The following SCN4A variants were observed in gnomAD, a reference collection of about 807,000 sequenced individuals.
SCN4A encodes sodium voltage-gated channel alpha subunit 4.
Under a neutral mutation model 162.0 loss-of-function variants are expected in SCN4A, and 83 were observed. The ratio of observed to expected loss-of-function variants is 0.51; its 90% CI spans 0.43 to 0.61. SCN4A has a LOEUF of 0.61. Ranked by LOEUF, SCN4A falls within the 20% of genes least tolerant of loss-of-function variation. The probability of loss-of-function intolerance (pLI) is 0.00; values close to 1 mark genes in which losing one functional copy is unlikely to be tolerated. For synonymous variants in SCN4A, 944 were observed against 985.1 expected (o/e 0.96, Z 0.78); for missense variants, 2,196 against 2,462.5 (o/e 0.89, Z 2.29).
At chr17:63,946,462 G>C (rs1597969966) in intron 18 of SCN4A, among the ~76,000 whole-genome samples, 15 of 106,640 alleles carry the variant, frequency 1.4e-4, no homozygotes, top group Admixed American at 1.9e-4. Context: ...CATTTTTCTT[G>C]CCCCCCCCCC....
chr17:63,951,398 C>T lies in SCN4A; in HGVS notation c.2853+26G>A, dbSNP rs1908900779. 2 of 1,489,238 alleles carry T rather than the reference C, an allele frequency of 1.3e-6. No individual in the cohort carries two copies. The highest frequency in any genetic ancestry group is 2.6e-5 in the South Asian group (2 of 77,332). The allele number at this position is 1,489,238 out of a possible 1,614,324, so 92.3% of individuals were successfully genotyped here. A position where few individuals can be genotyped will look rare whatever the true frequency, so the allele number is the denominator to read the frequency against. On this transcript the variant is annotated intron_variant, in intron 14 of 23. Transcript: ENST00000435607. The surrounding 1 kb of genome is among the most constrained non-coding windows in gnomAD (Gnocchi z 4.5). The stretch of plus-strand genomic sequence containing the variant: ...GTCACAGGAGAATTTGAAGCCGGGT[C>T]TGTCTGAGCCCCAGCCCCGGCTCAC...
Position 63,941,913 on chromosome 17 carries a change from G to A in SCN4A, c.4369C>T (p.Arg1457Cys), listed in dbSNP as rs1473372899. The change falls in exon 24 of 24, where the codon CGT (arginine) becomes TGT (cysteine). Residue 1457 changes from arginine to cysteine, a missense_variant. By Grantham distance (180) the Arg-to-Cys change is radical. Transcript: ENST00000435607. This position sits in a 1 kb window ranked among gnomAD's most constrained non-coding sequence, Gnocchi z 6.2. ...FRVIRLARIG[R>C]VLRLIRGAKG... The stretch of plus-strand genomic sequence containing the variant: ...GCCCCGCGGATCAGCCGCAGGACAC[G>A]CCCAATCCGCGCCAGGCGGATCACA... 2 of 1,611,882 alleles carry A rather than the reference G, an allele frequency of 1.2e-6. No homozygotes were observed. The highest frequency in any genetic ancestry group is 1.7e-6 in the Non-Finnish European group (2 of 1,178,150).
rs1369287626 is a variant in SCN4A at position 63,941,011 on chromosome 17, G to A, written c.5271C>T (p.Ser1757=). The A allele has an allele frequency of 1.2e-6, 2 of 1,613,680 alleles. No individual in the cohort carries two copies. Among genetic ancestry groups the A allele is most frequent in the Non-Finnish European group, 1.7e-6 (2 of 1,179,728 alleles). ...GGGCGTCATCCCCGCTGCCGTCGTG[G>A]CTGTGGCGGTACATGTAGGATGCCT... ...MKQASYMYRH[S]HDGSGDDAPE... is the part of the protein sequence containing the mutation. The change falls in exon 24 of 24, where the codon AGC becomes AGT. Residue 1757 remains serine, a synonymous_variant. Transcript: ENST00000435607. The surrounding 1 kb of genome is among the most constrained non-coding windows in gnomAD (Gnocchi z 6.2).
intron 15 of SCN4A, 111 bp from the exon 16 acceptor site, chr17:63,948,876 C>A: frequency 1.0e-6 from 1 of 997,386 alleles, no homozygotes; most frequent in East Asian, 2.7e-5. Context: ...CTCTCCAGCT[C>A]CCAGACCCAG....
At position 63,948,652 on chromosome 17, in the gene SCN4A, T is replaced by A; in HGVS notation, c.3103A>T (p.Thr1035Ser). Residue 1035 changes from threonine to serine, a missense_variant, in exon 16 of 24, where the codon ACC becomes TCC. Thr to Ser is a moderately conservative substitution (Grantham distance 58). Coordinates refer to ENST00000435607, the MANE Select transcript of SCN4A (RefSeq NM_000334.4). ...FKIVEHNWFE[T>S]FIVFMILLSS... is the part of the protein sequence containing the mutation. ...AGCAGGATCATGAAGACAATGAAGGTCTCGAACCAGTTGTGCTCGACAATC... is the reference window on the plus strand; with the variant it reads ...AGCAGGATCATGAAGACAATGAAGGACTCGAACCAGTTGTGCTCGACAATC... 6.2e-7 allele frequency: 1 copy of A among 1,613,764 alleles called. No homozygotes were observed. Among genetic ancestry groups the A allele is most frequent in the East Asian group, 2.2e-5 (1 of 44,856 alleles).
At chr17:63,961,845 CCCTCAAAGCCCCACCT>C (rs902128441) in intron 10 of SCN4A, among the ~76,000 whole-genome samples, 5 of 147,118 alleles carry the variant, frequency 3.4e-5, no homozygotes, top group Middle Eastern at 3.5e-3. Context: ...ACAACCCCGC[CCCTCAAAGCCCCACCT>C]CCTCAAAGCC....
Position 63,942,969 on chromosome 17 carries a change from A to G in SCN4A, c.4145T>C (p.Val1382Ala). Residue 1382 changes from valine (V) to alanine (A), a missense_variant, in exon 23 of 24, where the codon GTG (valine) becomes GCG (alanine). Physicochemically the swap from Val to Ala is moderately conservative, Grantham distance 64. Coordinates refer to ENST00000435607, the MANE Select transcript of SCN4A (RefSeq NM_000334.4). ...VETDNQSQLK[V>A]DILYNINMIF... ...CATGTTGATGTTGTACAGGATGTCC[A>G]CCTTGAGCTGGCTCTGGTTGTCTGT... 6.2e-7 allele frequency: 1 copy of G among 1,613,994 alleles called. No homozygotes were observed. Among genetic ancestry groups the G allele is most frequent in the South Asian group, 1.1e-5 (1 of 91,086 alleles).
Position 63,971,853 on chromosome 17 carries a change from G to T in SCN4A, c.483-3C>A, listed in dbSNP as rs759754258. 3.8e-5 allele frequency: 57 copies of T among 1,516,092 alleles called. No homozygotes were observed. Among genetic ancestry groups the T allele is most frequent in the Middle Eastern group, 1.7e-4 (1 of 5,758 alleles). 93.9% of individuals were successfully genotyped at this position (1,516,092 alleles called of 1,614,324 possible). On this transcript the variant is annotated splice_polypyrimidine_tract_variant and splice_region_variant and intron_variant, in intron 3 of 23. Coordinates refer to ENST00000435607, the MANE Select transcript of SCN4A (RefSeq NM_000334.4). ...TGTAGATCCCTGTGAAGGTGTACCT[G>T]GGGGGGAGAGGGCCGGCCGGGACAG...
At position 63,971,755 on chromosome 17, in the gene SCN4A, C is replaced by T. The variant is rs766657296; in HGVS notation, c.578G>A (p.Trp193Ter). ...VDDFTFLRDP[W>*]NWLDFSVIMM... ...GATGACACTGAAGTCCAGCCAGTTCCAGGGGTCCCGGAGGAATGTGAAGTC... is the reference window on the plus strand; with the variant it reads ...GATGACACTGAAGTCCAGCCAGTTCTAGGGGTCCCGGAGGAATGTGAAGTC... Residue 193 changes from tryptophan to a stop codon, truncating the protein, a stop_gained, in exon 4 of 24, where the codon TGG (tryptophan) becomes TAG (stop). Coordinates refer to ENST00000435607, the MANE Select transcript of SCN4A (RefSeq NM_000334.4). LOFTEE classifies it high-confidence loss of function. 4 of 1,609,558 alleles carry T rather than the reference C, an allele frequency of 2.5e-6. No individual in the cohort carries two copies. Among genetic ancestry groups the T allele is most frequent in the Non-Finnish European group, 8.5e-7 (1 of 1,178,020 alleles).
At chr17:63,971,963 G>T in intron 3 of SCN4A, 113 bp from the exon 4 acceptor site, 1 of 1,272,532 alleles carries the variant, frequency 7.9e-7, no homozygotes, top group Non-Finnish European at 1.1e-6. Flanking sequence ...CACTCAGGTG[G>T]CTAAGGACAC....
rs1465568408 is a variant in SCN4A at position 63,946,475 on chromosome 17, C to CG, written c.3441+569_3441+570insC. Among the ~76,000 whole-genome samples the CG allele has an allele frequency of 1.7e-4, 20 of 116,286 alleles. 1 individual carries two copies. The highest frequency in any genetic ancestry group is 1.0e-3 in the African/African-American group (20 of 19,826). The allele number at this position is 116,286 out of a possible 152,430, so 76.3% of individuals were successfully genotyped here. On this transcript the variant is annotated intron_variant, in intron 18 of 23. Coordinates refer to ENST00000435607, the MANE Select transcript of SCN4A (RefSeq NM_000334.4). Reference sequence around the variant, plus strand: ...CCCATTTTTCTTGCCCCCCCCCCCACCCCGCCGCAACCCTGTGTTTACCTG... The same window carrying CG: ...CCCATTTTTCTTGCCCCCCCCCCCACGCCCGCCGCAACCCTGTGTTTACCTG...
At chr17:63,953,278 T>C (rs1049329251) in intron 13 of SCN4A, among the ~76,000 whole-genome samples, 2 of 151,800 alleles carry the variant, frequency 1.3e-5, no homozygotes, top group African/African-American at 4.8e-5. Context: ...GAGAATCGCT[T>C]GAACCCGGGA....
At chr17:63,953,597 C>G (rs1567821682) in intron 13 of SCN4A, among the ~76,000 whole-genome samples, 1 of 151,120 alleles carries the variant, frequency 6.6e-6, no homozygotes, top group Admixed American at 6.6e-5. Flanking sequence ...AGGAGAATCA[C>G]TTGAACCCGG....
Position 63,944,208 on chromosome 17 carries a change from T to C in SCN4A, c.3913-358A>G, listed in dbSNP as rs2877372. On this transcript the variant is annotated intron_variant, in intron 21 of 23. Transcript: ENST00000435607. The surrounding 1 kb of genome is among the most constrained non-coding windows in gnomAD (Gnocchi z 4.3). ...AGGCTGGAGTGCAGTGGCGCGATCT[T>C]GGCCCACTGCAACCTCCATCTCCTG... Among the ~76,000 whole-genome samples the C allele has an allele frequency of 0.3, 46,277 of 151,958 alleles. 10,199 individuals carry two copies. Among genetic ancestry groups the C allele is most frequent in the African/African-American group, 0.63 (26,186 of 41,396 alleles).
In SCN4A at chr17:63,945,334, C is replaced by T. The variant is rs777886789; in HGVS notation, c.3720+26G>A. Reference sequence around the variant, plus strand: ...TGGGGGGCACCTCCATCCAGGTTCCCGGCAGGGGTGGTGGGTCACACTCAC... The same window carrying T: ...TGGGGGGCACCTCCATCCAGGTTCCTGGCAGGGGTGGTGGGTCACACTCAC... On this transcript the variant is annotated intron_variant, in intron 19 of 23. Transcript: ENST00000435607. This position sits in a 1 kb window ranked among gnomAD's most constrained non-coding sequence, Gnocchi z 4.4. 652 of 1,592,400 alleles carry T rather than the reference C, an allele frequency of 4.1e-4. 4 individuals are homozygous for T. The highest frequency in any genetic ancestry group is 6.7e-5 in the East Asian group (3 of 44,556).
At chr17:63,955,954 G>C (rs917632909) in intron 13 of SCN4A, among the ~76,000 whole-genome samples, 1 of 152,232 alleles carries the variant, frequency 6.6e-6, no homozygotes, top group African/African-American at 2.4e-5. Flanking sequence ...CCCAGTCCCT[G>C]TTGCCCAGGG....
rs574194084 is a variant in SCN4A at position 63,972,034 on chromosome 17, G to A, written c.482+102C>T. The A allele has an allele frequency of 2.8e-6, 3 of 1,086,298 alleles. No individual in the cohort carries two copies. In the South Asian group the frequency reaches 4.1e-5, roughly 15 times the overall value. 67.3% of individuals were successfully genotyped at this position (1,086,298 alleles called of 1,614,324 possible). ...GGTGTGGATGAGGGTCACAATGACA[G>A]TGTGTCTCCCTGAAAGACAAGAGCA... On this transcript the variant is annotated intron_variant, in intron 3 of 23. Coordinates refer to ENST00000435607, the MANE Select transcript of SCN4A (RefSeq NM_000334.4). This position sits in a 1 kb window ranked among gnomAD's most constrained non-coding sequence, Gnocchi z 4.3.
In SCN4A at chr17:63,951,915, C is replaced by T. The variant is rs2144787379; in HGVS notation, c.2377-15G>A. The T allele has an allele frequency of 6.7e-7, 1 of 1,486,372 alleles. No individual in the cohort carries two copies. The highest frequency in any genetic ancestry group is 9.0e-7 in the Non-Finnish European group (1 of 1,112,198). 92.1% of individuals were successfully genotyped at this position (1,486,372 alleles called of 1,614,324 possible). ...AGGTTCAGGACCTGGGGCATGGGGTCAGGGGGAGCCTCACATCAGTCCCCG... is the reference window on the plus strand; with the variant it reads ...AGGTTCAGGACCTGGGGCATGGGGTTAGGGGGAGCCTCACATCAGTCCCCG... On this transcript the variant is annotated splice_polypyrimidine_tract_variant and intron_variant, in intron 13 of 23. Transcript: ENST00000435607. The surrounding 1 kb of genome is among the most constrained non-coding windows in gnomAD (Gnocchi z 4.5).
At position 63,948,600 on chromosome 17, in the gene SCN4A, G is replaced by A. The variant is rs200951234; in HGVS notation, c.3144+11C>T. On this transcript the variant is annotated intron_variant, in intron 16 of 23. Transcript: ENST00000435607. ...CCCTGCCCCTGACCCGTGCTCCCAG[G>A]CAGTGCCTACCAGAGCCCCACTGCT... 26 of 1,611,324 alleles carry A rather than the reference G, an allele frequency of 1.6e-5. No individual in the cohort carries two copies. The East Asian group carries it at 5.8e-4, about 36-fold the overall frequency.
Sources: gnomAD v4.1 joint callset for allele counts (sites outside exome capture counted in the v4.1 genomes callset) on GRCh38, gnomAD v4.1.1 for gene constraint, Gnocchi (gnomAD v3.1) non-coding constraint, MANE v1.5 for transcripts, NCBI Gene and HGNC (gene_info 2026-07-23, HGNC 2026-07-21) for gene names.